Variants in KLF8 observed in about 807,000 individuals in gnomAD.
The protein encoded by KLF8 is KLF transcription factor 8.
Under a neutral mutation model 18.2 loss-of-function variants are expected in KLF8, and 10 were observed. The observed-to-expected ratio is 0.55, with a 90% CI of 0.34 to 0.93. KLF8 has a LOEUF of 0.93. KLF8 is among the 40% of genes least tolerant of loss of function. KLF8 has a pLI of 0.02. For synonymous variants in KLF8, 109 were observed against 97.3 expected (o/e 1.12, Z -0.71); for missense variants, 264 against 277.9 (o/e 0.95, Z 0.36).
At chrX:56,177,208 CTGTT>C in the KLF8 span, among the ~76,000 whole-genome samples, 6 of 111,559 alleles carry the variant, frequency 5.4e-5, no homozygotes, top group African/African-American at 2.0e-4. Context: ...TTTTTCTGCT[CTGTT>C]TGTTCACCAT....
chrX:56,006,884 G>A, the KLF8 span, among the ~76,000 whole-genome samples: 1 of 111,935 alleles, frequency 8.9e-6, no homozygotes, highest in Non-Finnish European at 1.9e-5. Flanking sequence ...AGGCAGGCTG[G>A]GTCGTTTCCC....
chrX:56,060,978 C>A, the KLF8 span, among the ~76,000 whole-genome samples: 1 of 111,918 alleles, frequency 8.9e-6, no homozygotes. Flanking sequence ...AGTTTATTGA[C>A]ATAGAGGTGT....
chrX:56,172,111 C>CT, the KLF8 span, among the ~76,000 whole-genome samples: 61 of 103,074 alleles, frequency 5.9e-4, no homozygotes, highest in Middle Eastern at 4.9e-3. Flanking sequence ...ATTTGCATTT[C>CT]TTTTTTTTTT....
the KLF8 span, among the ~76,000 whole-genome samples, chrX:56,013,399 G>A: frequency 1.8e-5 from 2 of 111,696 alleles, no homozygotes; most frequent in African/African-American, 6.5e-5. Flanking sequence ...TGAGACTTTG[G>A]ACTTGGAATT....
chrX:56,180,948 G>A, the KLF8 span, among the ~76,000 whole-genome samples: 3 of 111,602 alleles, frequency 2.7e-5, no homozygotes, highest in East Asian at 8.4e-4. Flanking sequence ...GTTGATTTGG[G>A]GTGGAGAGTT....
chrX:56,003,443 T>TAAAA, the KLF8 span, among the ~76,000 whole-genome samples: 38 of 109,070 alleles, frequency 3.5e-4, no homozygotes, highest in African/African-American at 1.2e-3. Flanking sequence ...AATAAATAAA[T>TAAAA]AAATAAAAGT....
chrX:56,046,618 C>T, the KLF8 span, among the ~76,000 whole-genome samples: 2 of 101,028 alleles, frequency 2.0e-5, no homozygotes, highest in South Asian at 4.5e-4. Context: ...AAAAAAAAAA[C>T]GGTACCTTTC....
intron 5 of KLF8, among the ~76,000 whole-genome samples, chrX:56,283,128 A>G (rs1030489236): frequency 9.0e-6 from 1 of 111,179 alleles, no homozygotes; most frequent in African/African-American, 3.3e-5. Flanking sequence ...TACTGCGTTA[A>G]TTTTTTTATA....
chrX:56,158,599 C>T, the KLF8 span, among the ~76,000 whole-genome samples: 1 of 111,585 alleles, frequency 9.0e-6, no homozygotes, highest in South Asian at 3.8e-4. Flanking sequence ...TTGAAGAGGT[C>T]CTTCACATCC....
the KLF8 span, among the ~76,000 whole-genome samples, chrX:55,996,715 A>G: frequency 9.0e-6 from 1 of 111,676 alleles, no homozygotes; most frequent in Non-Finnish European, 1.9e-5. Flanking sequence ...TGGCCCCTAC[A>G]GGTTGAACAC....
chrX:55,926,787 T>G, the KLF8 span, among the ~76,000 whole-genome samples: 1 of 110,684 alleles, frequency 9.0e-6, no homozygotes, highest in Non-Finnish European at 1.9e-5. Flanking sequence ...AATTTTTTTT[T>G]GTAACTCAAG....
At chrX:56,146,897 T>C in the KLF8 span, among the ~76,000 whole-genome samples, 2 of 111,650 alleles carry the variant, frequency 1.8e-5, no homozygotes, top group African/African-American at 6.5e-5. Context: ...AGTCCTAGGG[T>C]ATCTTTAAAC....
the KLF8 span, among the ~76,000 whole-genome samples, chrX:56,034,232 T>A: frequency 8.9e-6 from 1 of 112,466 alleles, no homozygotes; most frequent in East Asian, 2.8e-4. Context: ...CTTCGGCATA[T>A]GGATATTCAG....
the KLF8 span, among the ~76,000 whole-genome samples, chrX:56,166,193 G>T: frequency 2.8e-5 from 3 of 108,299 alleles, no homozygotes; most frequent in Admixed American, 9.9e-5. Context: ...AGTGCTTCTG[G>T]CCATATAGAA....
chrX:55,943,453 A>C, the KLF8 span, among the ~76,000 whole-genome samples: 1 of 111,294 alleles, frequency 9.0e-6, no homozygotes, highest in Non-Finnish European at 1.9e-5. Flanking sequence ...TGGTTTGATG[A>C]GTCTATTCAT....
chrX:56,058,273 TATATAC>T, the KLF8 span, among the ~76,000 whole-genome samples: 100 of 35,974 alleles, frequency 2.8e-3, 1 homozygote, highest in African/African-American at 0.012. Flanking sequence ...TATATACATA[TATATAC>T]ATATATATAT....
the KLF8 span, among the ~76,000 whole-genome samples, chrX:56,075,771 T>C: frequency 8.9e-6 from 1 of 111,814 alleles, no homozygotes; most frequent in African/African-American, 3.3e-5. Flanking sequence ...ATGTGATGTT[T>C]TTCTTTCTGT....
chrX:56,222,659 C>T, the KLF8 span, among the ~76,000 whole-genome samples: 8 of 112,752 alleles, frequency 7.1e-5, no homozygotes, highest in Non-Finnish European at 1.1e-4. Flanking sequence ...CAGGGGGCGG[C>T]GCTCGTTGGG....
chrX:56,104,656 A>G, the KLF8 span, among the ~76,000 whole-genome samples: 1 of 111,212 alleles, frequency 9.0e-6, no homozygotes, highest in East Asian at 2.8e-4. Context: ...TGATCTTTTC[A>G]AAAAACCAGC....
Sources: allele counts gnomAD v4.1 joint callset (sites outside exome capture counted in the v4.1 genomes callset), GRCh38; gene constraint gnomAD v4.1.1; transcripts MANE v1.5; gene names NCBI Gene and HGNC (gene_info 2026-07-23, HGNC 2026-07-21).